Variants in KBTBD3 observed in about 807,000 individuals in gnomAD.
KBTBD3 encodes the protein kelch repeat and BTB domain containing 3.
A neutral mutation model predicts 49.6 loss-of-function variants in KBTBD3; 38 were observed. That is an observed-to-expected ratio of 0.77 (90% CI 0.59 to 1.00). The LOEUF is 1.00. KBTBD3 is among the 50% of genes least tolerant of loss of function. The pLI is 0.00. For synonymous variants in KBTBD3, 214 were observed against 250.4 expected, an observed-to-expected ratio of 0.85 and a Z score of 1.37; for missense variants, 661 against 712.0, an observed-to-expected ratio of 0.93 and a Z score of 0.81.
rs1565401071 is a variant in KBTBD3 at position 106,054,283 on chromosome 11, A to G, written c.406T>C (p.Phe136Leu). ...AAGTCACTGCAAGCTTTGGATAGGA[A>G]GGAAACTTGAAGAAATGATGACAAC... ...FQLSSFLQVS[F>L]LSKACSDFLI... Residue 136 changes from phenylalanine (F) to leucine (L), a missense_variant, in exon 4 of 4, where the codon TTC becomes CTC. By Grantham distance (22) the Phe-to-Leu change is conservative. Coordinates refer to ENST00000531837, the MANE Select transcript of KBTBD3 (RefSeq NM_198439.3). The G allele has an allele frequency of 1.9e-6, 3 of 1,613,118 alleles. No individual in the cohort carries two copies. Among genetic ancestry groups the G allele is most frequent in the East Asian group, 2.2e-5 (1 of 44,796 alleles).
At chr11:106,072,808 AT>A (rs1860945531) in intron 2 of KBTBD3, among the ~76,000 whole-genome samples, 1 of 152,176 alleles carries the variant, frequency 6.6e-6, no homozygotes, top group African/African-American at 2.4e-5. Context: ...GTAAATATTT[AT>A]TATAGATGCT....
rs368345719 is a variant in KBTBD3, at chr11:106,053,821, G to A, written c.868C>T (p.Pro290Ser). The A allele has an allele frequency of 1.9e-6, 3 of 1,613,772 alleles. No homozygotes were observed. The highest frequency in any genetic ancestry group is 1.7e-6 in the Non-Finnish European group (2 of 1,179,896). ...AATATGTATTTCTCAGTTGTGGATG[G>A]TCGAGCATCAGGGAAGAGTCCACCA... ...GSGGLFPDAR[P>S]STTEKYIFIH... is the part of the protein sequence containing the mutation. Residue 290 changes from proline (P) to serine (S), a missense_variant, in exon 4 of 4, where the codon CCA (proline) becomes TCA (serine). By Grantham distance (74) the Pro-to-Ser change is moderately conservative. Transcript: ENST00000531837.
intron 3 of KBTBD3, among the ~76,000 whole-genome samples, chr11:106,056,766 A>G (rs1270376125): frequency 6.6e-6 from 1 of 152,160 alleles, no homozygotes; most frequent in African/African-American, 2.4e-5. Flanking sequence ...TAGAGCTTGG[A>G]TTTAGATTTA....
chr11:106,055,146 C>A (rs868682322), intron 3 of KBTBD3, among the ~76,000 whole-genome samples: 1 of 152,082 alleles, frequency 6.6e-6, no homozygotes, highest in African/African-American at 2.4e-5. Flanking sequence ...AATAATTAGA[C>A]CAGCTTGAAA....
chr11:106,065,242 G>A lies in KBTBD3; in HGVS notation c.-12-6133C>T, dbSNP rs113023077. Among the ~76,000 whole-genome samples the A allele has an allele frequency of 3.3e-3, 501 of 152,236 alleles. 2 individuals carry two copies. Among genetic ancestry groups the A allele is most frequent in the African/African-American group, 0.011 (474 of 41,540 alleles). On this transcript the variant is annotated intron_variant, in intron 2 of 3. Coordinates refer to ENST00000531837, the MANE Select transcript of KBTBD3 (RefSeq NM_198439.3). ...AAGATGGTCTTGATCTCTTGACCTC[G>A]TGATCCGCCCACCTTGGCCTCCCAA...
At chr11:106,055,874 G>A (rs1040274925) in intron 3 of KBTBD3, among the ~76,000 whole-genome samples, 6 of 152,170 alleles carry the variant, frequency 3.9e-5, no homozygotes, top group African/African-American at 1.4e-4. Context: ...TTTACTATCG[G>A]CTTCCACATT....
chr11:106,064,593 T>C lies in KBTBD3; in HGVS notation c.-12-5484A>G, dbSNP rs1400434952. 2.7e-5 allele frequency among the ~76,000 whole-genome samples: 4 copies of C among 148,854 alleles called. No homozygotes were observed. The East Asian group carries it at 5.9e-4, about 22-fold the overall frequency. ...GAATAGCCAGGAAGTATTTATACTA[T>C]GCAAAAGGGCACGCAAAGCAGATAA... is the stretch of plus-strand genomic sequence containing the variant. On this transcript the variant is annotated intron_variant, in intron 2 of 3. Coordinates refer to ENST00000531837, the MANE Select transcript of KBTBD3 (RefSeq NM_198439.3).
intron 2 of KBTBD3, among the ~76,000 whole-genome samples, chr11:106,067,714 G>GA (rs1174050077): frequency 2.6e-5 from 4 of 151,656 alleles, no homozygotes; most frequent in Admixed American, 6.6e-5. Flanking sequence ...GAGACAGACA[G>GA]AAAAAACAGA....
At chr11:106,071,598 T>C (rs1009570493) in intron 2 of KBTBD3, among the ~76,000 whole-genome samples, 68 of 152,324 alleles carry the variant, frequency 4.5e-4, no homozygotes, top group African/African-American at 1.6e-3. Flanking sequence ...AAGTCTGCCA[T>C]GTATATTCTA....
intron 2 of KBTBD3, among the ~76,000 whole-genome samples, chr11:106,074,013 A>G (rs1381203377): frequency 6.6e-6 from 1 of 152,150 alleles, no homozygotes; most frequent in Non-Finnish European, 1.5e-5. Flanking sequence ...TTATGGAGTA[A>G]CAAATATTGT....
At position 106,077,322 on chromosome 11, in the gene KBTBD3, A is replaced by T. The variant is rs759801541; in HGVS notation, c.-224T>A. The T allele has an allele frequency of 1.0e-5, 2 of 199,014 alleles. No homozygotes were observed. The highest frequency in any genetic ancestry group is 5.7e-5 in the Admixed American group (1 of 17,578). The allele number at this position is 199,014 out of a possible 1,614,324, so 12.3% of individuals were successfully genotyped here. On this transcript the variant is annotated 5_prime_UTR_variant, in exon 1 of 4. Transcript: ENST00000531837. ...CCGGAGCTCACCCACCTGCAACTGC[A>T]GTCTCCGAAGTCTCCACCCCAGTCT...
chr11:106,052,624 C>A lies in KBTBD3; in HGVS notation c.*226G>T. The A allele has an allele frequency of 2.3e-6, 1 of 429,598 alleles. No individual in the cohort carries two copies. The allele number at this position is 429,598 out of a possible 1,614,324, so 26.6% of individuals were successfully genotyped here. A position where few individuals can be genotyped will look rare whatever the true frequency, so the allele number is the denominator to read the frequency against. ...TGATTTGTAGTTTCATGTGAAAATA[C>A]TAAGTATTCTGGATTCCCCAAGGTT... On this transcript the variant is annotated 3_prime_UTR_variant, in exon 4 of 4. Transcript: ENST00000531837.
At chr11:106,073,028 C>T (rs187901440) in intron 2 of KBTBD3, among the ~76,000 whole-genome samples, 317 of 152,210 alleles carry the variant, frequency 2.1e-3, no homozygotes, top group Non-Finnish European at 2.5e-3. Flanking sequence ...CAATTTCAGA[C>T]AATAACAAAA....
chr11:106,066,048 A>G (rs908853877), intron 2 of KBTBD3, among the ~76,000 whole-genome samples: 1 of 152,034 alleles, frequency 6.6e-6, no homozygotes, highest in East Asian at 1.9e-4. Flanking sequence ...TATAGATGGG[A>G]GAAACTTGTG....
intron 2 of KBTBD3, among the ~76,000 whole-genome samples, chr11:106,074,080 T>G (rs1184557694): frequency 6.6e-6 from 1 of 151,014 alleles, no homozygotes; most frequent in Non-Finnish European, 1.5e-5. Context: ...GACAAGGTCC[T>G]CTACCCTGGA....
intron 2 of KBTBD3, among the ~76,000 whole-genome samples, chr11:106,064,883 C>A (rs1266564717): frequency 1.3e-5 from 2 of 152,138 alleles, no homozygotes; most frequent in African/African-American, 4.8e-5. Flanking sequence ...ATATTTTCAT[C>A]CACTAAAAGA....
Position 106,051,591 on chromosome 11 carries a change from A to C in KBTBD3, c.*1259T>G, listed in dbSNP as rs1173123696. ...AGAAGTACAATCTACACATTACCTG[A>C]GATGTAAAGCAGGGGTCTTAAAACC... On this transcript the variant is annotated 3_prime_UTR_variant, in exon 4 of 4. Coordinates refer to ENST00000531837, the MANE Select transcript of KBTBD3 (RefSeq NM_198439.3). 1.3e-5 allele frequency: 2 copies of C among 151,932 alleles called. No homozygotes were observed. Among genetic ancestry groups the C allele is most frequent in the South Asian group, 2.1e-4 (1 of 4,832 alleles). 9.4% of individuals were successfully genotyped at this position (151,932 alleles called of 1,614,324 possible). A position where few individuals can be genotyped will look rare whatever the true frequency, so the allele number is the denominator to read the frequency against.
intron 2 of KBTBD3, among the ~76,000 whole-genome samples, chr11:106,065,714 A>G (rs866719958): frequency 1.3e-5 from 2 of 152,092 alleles, no homozygotes; most frequent in South Asian, 2.1e-4. Flanking sequence ...TAATCCCAGC[A>G]CTTTGGGGGG....
At chr11:106,058,143 G>C (rs1261125448) in intron 3 of KBTBD3, 3 of 374,064 alleles carry the variant, frequency 8.0e-6, no homozygotes, top group Non-Finnish European at 1.4e-5. Context: ...CCAGCACTTT[G>C]GGAGGCCGAA....
Sources: gnomAD v4.1 joint callset for allele counts (sites outside exome capture counted in the v4.1 genomes callset) on GRCh38, gnomAD v4.1.1 for gene constraint, MANE v1.5 for transcripts, NCBI Gene and HGNC (gene_info 2026-07-23, HGNC 2026-07-21) for gene names.